PCDHA6: variants seen among roughly 807,000 people sequenced by gnomAD.
PCDHA6 encodes the protein protocadherin alpha-6.
A neutral mutation model predicts 60.3 loss-of-function variants in PCDHA6; 55 were observed. The observed-to-expected ratio is 0.91, with a 90% CI of 0.73 to 1.14. The LOEUF (loss-of-function observed/expected upper bound fraction) is 1.14, where lower values mean the gene tolerates loss of function less well. Among genes scored for constraint, PCDHA6 ranks in the 50% most tolerant of loss-of-function variants. The pLI is 0.00. For missense variants in PCDHA6, 1,327 were observed against 1,256.5 expected, an observed-to-expected ratio of 1.06 and a Z score of -0.85; for synonymous variants, 652 against 557.9, an observed-to-expected ratio of 1.17 and a Z score of -2.38.
At chr5:140,844,541 T>C (rs1361373728) in intron 1 of PCDHA6, among the ~76,000 whole-genome samples, 3 of 149,594 alleles carry the variant, frequency 2.0e-5, no homozygotes, top group Non-Finnish European at 4.5e-5. Flanking sequence ...TTCAACCCTT[T>C]GTTCATGAGT....
At chr5:140,837,107 A>G (rs1774915292) in intron 1 of PCDHA6, 1 of 159,760 alleles carries the variant, frequency 6.3e-6, no homozygotes, top group Admixed American at 6.2e-5. Context: ...AATTTAATAT[A>G]TATGTTACCT....
At chr5:140,955,130 T>A (rs1173088504) in intron 1 of PCDHA6, among the ~76,000 whole-genome samples, 1 of 152,228 alleles carries the variant, frequency 6.6e-6, no homozygotes, top group African/African-American at 2.4e-5. Context: ...TCCACTGGTC[T>A]ACACGTCTGT....
Position 140,828,114 on chromosome 5 carries a change from G to C in PCDHA6, c.23G>C (p.Arg8Thr). 6.2e-7 allele frequency: 1 copy of C among 1,612,228 alleles called. No homozygotes were observed. Among genetic ancestry groups the C allele is most frequent in the African/African-American group, 1.3e-5 (1 of 75,048 alleles). ...GACATGGTGTTTACCCCGGAGGATA[G>C]ATTGGGAAAGCAATGTCTGCTCCTC... The part of the protein sequence containing the change: MVFTPED[R>T]LGKQCLLLPL... Residue 8 changes from arginine (R) to threonine (T), a missense_variant, in exon 1 of 4, where the codon AGA (arginine) becomes ACA (threonine). Transcript: ENST00000529310.
In PCDHA6 at chr5:140,876,439, A is replaced by G; in HGVS notation, c.2394+45954A>G. 4 of 1,613,988 alleles carry G rather than the reference A, an allele frequency of 2.5e-6. No individual in the cohort carries two copies. The East Asian group carries it at 8.9e-5, about 36-fold the overall frequency. ...TGCCTATGAAATTCAGGTTAACGCC[A>G]TTGATAAAGGGATTCCTTCCATGGC... is the stretch of plus-strand genomic sequence containing the variant. On this transcript the variant is annotated intron_variant, in intron 1 of 3. Transcript: ENST00000529310.
rs2150362585 is a variant in PCDHA6 at position 140,843,552 on chromosome 5, C to A, written c.2394+13067C>A. 3 of 1,595,800 alleles carry A rather than the reference C, an allele frequency of 1.9e-6. 1 individual carries two copies. The highest frequency in any genetic ancestry group is 4.5e-5 in the East Asian group (2 of 44,828). On this transcript the variant is annotated intron_variant, in intron 1 of 3. Coordinates refer to ENST00000529310, the MANE Select transcript of PCDHA6 (RefSeq NM_018909.4). ...AAGCCCACTCTGGTGTGCTCCAGTGCGGTGGGGAGCTGGTCATACTCGCAA... is the reference window on the plus strand; with the variant it reads ...AAGCCCACTCTGGTGTGCTCCAGTGAGGTGGGGAGCTGGTCATACTCGCAA...
rs911070094 is a variant in PCDHA6, at chr5:141,009,570, G to A, written c.2543-57G>A. On this transcript the variant is annotated intron_variant, in intron 3 of 3. Coordinates refer to ENST00000529310, the MANE Select transcript of PCDHA6 (RefSeq NM_018909.4). ...AGTACTCCTGTACTCTACCAGCAGT[G>A]TGGCATCAAGAGCATGTGTTGACCC... The A allele has an allele frequency of 1.9e-6, 3 of 1,577,968 alleles. No homozygotes were observed. In the Admixed American group the frequency reaches 5.2e-5, roughly 28 times the overall value.
At chr5:140,948,784 T>C (rs1486580473) in intron 1 of PCDHA6, among the ~76,000 whole-genome samples, 6 of 151,646 alleles carry the variant, frequency 4.0e-5, no homozygotes, top group African/African-American at 1.4e-4. Flanking sequence ...CTTTTGGCTT[T>C]GTTGATATAT....
chr5:140,904,877 AC>A (rs2071441380), intron 1 of PCDHA6, among the ~76,000 whole-genome samples: 1 of 151,792 alleles, frequency 6.6e-6, no homozygotes, highest in African/African-American at 2.4e-5. Context: ...TCCTTAGCTC[AC>A]TTTTTGATGG....
chr5:140,923,062 A>G (rs548165193), intron 1 of PCDHA6, among the ~76,000 whole-genome samples: 1 of 152,372 alleles, frequency 6.6e-6, no homozygotes, highest in African/African-American at 2.4e-5. Context: ...TAAAAGAGCT[A>G]GGTCTCCTCA....
chr5:140,870,546 G>T, intron 1 of PCDHA6: 1 of 1,614,086 alleles, frequency 6.2e-7, no homozygotes, highest in Non-Finnish European at 8.5e-7. Flanking sequence ...CGCGGGACGC[G>T]GACGCGCAGG....
chr5:141,001,020 TATA>T (rs539315208), intron 3 of PCDHA6, among the ~76,000 whole-genome samples: 5 of 152,250 alleles, frequency 3.3e-5, no homozygotes, highest in Non-Finnish European at 5.9e-5. Context: ...GATATACACT[TATA>T]ATAATAGCTT....
At chr5:140,835,990 G>T (rs2150249638) in intron 1 of PCDHA6, 1 of 1,613,318 alleles carries the variant, frequency 6.2e-7, no homozygotes, top group East Asian at 2.2e-5. Context: ...TTCCAGGTGA[G>T]CGCGCGCGAT....
chr5:140,836,580 A>C (rs2150264588), intron 1 of PCDHA6: 1 of 1,613,664 alleles, frequency 6.2e-7, no homozygotes, highest in Non-Finnish European at 8.5e-7. Flanking sequence ...GGGCGCATGT[A>C]GTTTGGTAAA....
intron 3 of PCDHA6, among the ~76,000 whole-genome samples, chr5:140,987,465 T>C (rs1554249222): frequency 6.6e-6 from 1 of 152,130 alleles, no homozygotes; most frequent in Non-Finnish European, 1.5e-5. Flanking sequence ...TGTTAAGAGC[T>C]CAAGCTTGGG....
chr5:140,964,747 G>C (rs1170890203), intron 1 of PCDHA6, among the ~76,000 whole-genome samples: 3 of 151,868 alleles, frequency 2.0e-5, no homozygotes, highest in Non-Finnish European at 4.4e-5. Context: ...AATTATTGTA[G>C]GGATGTTTGG....
intron 3 of PCDHA6, among the ~76,000 whole-genome samples, chr5:141,004,729 T>A (rs782339918): frequency 6.6e-6 from 1 of 152,144 alleles, no homozygotes; most frequent in African/African-American, 2.4e-5. Context: ...TTAAATACAT[T>A]TCTCTCTTTT....
In PCDHA6 at chr5:140,871,383, G is replaced by C. The variant is rs200820570; in HGVS notation, c.2394+40898G>C. 9.3e-6 allele frequency: 15 copies of C among 1,614,204 alleles called. No homozygotes were observed. The highest frequency in any genetic ancestry group is 6.7e-5 in the East Asian group (3 of 44,886). Reference sequence around the variant, plus strand: ...AGAGGCGGCAGAGGGTGTGCTCTGAGGAGGGCCCACCTAAGACGGACCTCA... The same window carrying C: ...AGAGGCGGCAGAGGGTGTGCTCTGACGAGGGCCCACCTAAGACGGACCTCA... On this transcript the variant is annotated intron_variant, in intron 1 of 3. Coordinates refer to ENST00000529310, the MANE Select transcript of PCDHA6 (RefSeq NM_018909.4).
chr5:140,966,922 G>A (rs782206344), intron 1 of PCDHA6: 5 of 1,603,072 alleles, frequency 3.1e-6, no homozygotes, highest in Non-Finnish European at 4.2e-6. Context: ...CAGAGGAGCA[G>A]GCACCCGGCG....
At chr5:140,882,621 A>T (rs374336585) in intron 1 of PCDHA6, 1 of 1,614,094 alleles carries the variant, frequency 6.2e-7, no homozygotes, top group African/African-American at 1.3e-5. Context: ...CAGGTTTTCC[A>T]TGTGGAGGTG....
Sources: gnomAD v4.1 joint callset for allele counts (sites outside exome capture counted in the v4.1 genomes callset) on GRCh38, gnomAD v4.1.1 for gene constraint, MANE v1.5 for transcripts, NCBI Gene and HGNC (gene_info 2026-07-23, HGNC 2026-07-21) for gene names.